Variants in PLXNA1 observed in about 807,000 individuals in gnomAD.
The protein encoded by PLXNA1 is plexin-A1.
In PLXNA1, 77 loss-of-function variants were observed where a neutral mutation model predicts 191.7. The ratio of observed to expected loss-of-function variants is 0.40; its 90% CI spans 0.33 to 0.49. The LOEUF (loss-of-function observed/expected upper bound fraction) is 0.49. Ranked by LOEUF, PLXNA1 falls within the 20% of genes least tolerant of loss-of-function variation. PLXNA1 has a pLI of 0.63. For missense variants in PLXNA1, 2,110 were observed against 2,660.2 expected, an observed-to-expected ratio of 0.79 and a Z score of 4.55; for synonymous variants, 1,137 against 1,156.4, an observed-to-expected ratio of 0.98 and a Z score of 0.34.
chr3:127,000,784 A>C (rs2079036424), intron 3 of PLXNA1, among the ~76,000 whole-genome samples: 1 of 152,216 alleles, frequency 6.6e-6, no homozygotes, highest in African/African-American at 2.4e-5. Flanking sequence ...GTGGGTGCAC[A>C]GGGGCCCTGC....
At position 126,989,447 on chromosome 3, in the gene PLXNA1, T is replaced by C; in HGVS notation, c.854T>C (p.Leu285Pro). ...TTCTTCACGTCCAAGATCGTGCGGCTCTGTGTGGACGACCCCAAATTCTAC... is the reference window on the plus strand; with the variant it reads ...TTCTTCACGTCCAAGATCGTGCGGCCCTGTGTGGACGACCCCAAATTCTAC... ...EHFFTSKIVR[L>P]CVDDPKFYSY... Residue 285 changes from leucine to proline, a missense_variant, in exon 2 of 32, where the codon CTC becomes CCC. Transcript: ENST00000393409. 1 of 1,613,612 alleles carries C rather than the reference T, an allele frequency of 6.2e-7. No homozygotes were observed. The highest frequency in any genetic ancestry group is 8.5e-7 in the Non-Finnish European group (1 of 1,180,028).
At chr3:127,019,196 C>T (rs1320951292) in intron 20 of PLXNA1, among the ~76,000 whole-genome samples, 7 of 149,672 alleles carry the variant, frequency 4.7e-5, no homozygotes, top group East Asian at 1.9e-4. Flanking sequence ...CAGTGTAGGA[C>T]CTTAGCCATG....
intron 3 of PLXNA1, among the ~76,000 whole-genome samples, chr3:126,997,176 C>T (rs922603048): frequency 6.6e-6 from 1 of 152,228 alleles, no homozygotes; most frequent in Non-Finnish European, 1.5e-5. Flanking sequence ...GCATCCTGCC[C>T]ACTCTGGATG....
In PLXNA1 at chr3:127,007,967, T is replaced by A; in HGVS notation, c.2112+54T>A. ...TTTTCAGAGGTGGAGCAGAACTGGG[T>A]TGAGACATCCCATCTGGGTGTCGCC... On this transcript the variant is annotated intron_variant, in intron 9 of 31. Transcript: ENST00000393409. The A allele has an allele frequency of 4.9e-6, 6 of 1,223,814 alleles. No homozygotes were observed. The Admixed American group carries it at 5.5e-5, about 11-fold the overall frequency. 75.8% of individuals were successfully genotyped at this position (1,223,814 alleles called of 1,614,324 possible). A position where few individuals can be genotyped will look rare whatever the true frequency, so the allele number is the denominator to read the frequency against.
At chr3:127,013,317 G>A (rs780100680) in intron 10 of PLXNA1, among the ~76,000 whole-genome samples, 5 of 150,342 alleles carry the variant, frequency 3.3e-5, no homozygotes, top group African/African-American at 9.7e-5. Flanking sequence ...AAAGGGAAGC[G>A]GGAGTATCGG....
At chr3:126,983,487 G>A (rs1576664597) in intron 1 of PLXNA1, among the ~76,000 whole-genome samples, 200 bp downstream of exon 1, 1 of 146,196 alleles carries the variant, frequency 6.8e-6, no homozygotes, top group East Asian at 2.0e-4. Context: ...CGGCCCGCGT[G>A]TCCCTGCGGC....
rs769372408 is a variant in PLXNA1 at position 126,997,899 on chromosome 3, G to A, written c.1378-5431G>A. Among the ~76,000 whole-genome samples the A allele has an allele frequency of 5.3e-5, 8 of 152,374 alleles. No individual in the cohort carries two copies. The South Asian group carries it at 1.0e-3, about 20-fold the overall frequency. On this transcript the variant is annotated intron_variant, in intron 3 of 31. Coordinates refer to ENST00000393409, the MANE Select transcript of PLXNA1 (RefSeq NM_032242.4). ...GAGGCAGCAGTGGCTTCCCCATGCC[G>A]TCCTGTGTGTGCTCGGGCTCATGGC...
chr3:126,999,722 C>G (rs2079030834), intron 3 of PLXNA1, among the ~76,000 whole-genome samples: 2 of 152,250 alleles, frequency 1.3e-5, no homozygotes, highest in African/African-American at 4.8e-5. Flanking sequence ...CAGGGCCAGC[C>G]TGGGGCCTGC....
rs371145234 is a variant in PLXNA1, at chr3:127,014,331, G to A, written c.2560G>A (p.Ala854Thr). 4.8e-5 allele frequency: 77 copies of A among 1,596,650 alleles called. No homozygotes were observed. The highest frequency in any genetic ancestry group is 2.2e-4 in the South Asian group (20 of 89,848). The change falls in exon 12 of 32, where the codon GCG becomes ACG. Residue 854 changes from alanine (A) to threonine (T), a missense_variant. Ala to Thr is a moderately conservative substitution (Grantham distance 58). This residue lies in a region of PLXNA1 where 644 missense variants were observed against 714.3 expected (regional missense o/e 0.90). Coordinates refer to ENST00000393409, the MANE Select transcript of PLXNA1 (RefSeq NM_032242.4). ...AADTPASWMH[A>T]RHGSSRCTDP... ...CGACACACCTGCATCGTGGATGCAC[G>A]CGCGTCACGGCAGCAGTCGCTGCAC...
At position 126,989,375 on chromosome 3, in the gene PLXNA1, T is replaced by A; in HGVS notation, c.782T>A (p.Leu261Gln). The change falls in exon 2 of 32, where the codon CTG (leucine) becomes CAG (glutamine). Residue 261 changes from leucine to glutamine, a missense_variant. This residue lies in a region of PLXNA1 where 903 missense variants were observed against 1,015.7 expected (regional missense o/e 0.89). Coordinates refer to ENST00000393409, the MANE Select transcript of PLXNA1 (RefSeq NM_032242.4). ...RSEQFVYYLT[L>Q]QLDTQLTSPD... ...GAGCAGTTTGTCTACTACCTCACGCTGCAGCTAGACACACAGCTGACCTCG... is the reference window on the plus strand; with the variant it reads ...GAGCAGTTTGTCTACTACCTCACGCAGCAGCTAGACACACAGCTGACCTCG... 6.2e-7 allele frequency: 1 copy of A among 1,613,640 alleles called. No individual in the cohort carries two copies. The highest frequency in any genetic ancestry group is 8.5e-7 in the Non-Finnish European group (1 of 1,180,054).
Position 127,036,493 on chromosome 3 carries a change from C to T in PLXNA1, c.*2476C>T, listed in dbSNP as rs112468283. 6.6e-3 allele frequency: 1,012 copies of T among 152,610 alleles called. 8 individuals are homozygous for T. The highest frequency in any genetic ancestry group is 9.4e-3 in the Non-Finnish European group (639 of 68,046). The allele number at this position is 152,610 out of a possible 1,614,324, so 9.5% of individuals were successfully genotyped here. A position where few individuals can be genotyped will look rare whatever the true frequency, so the allele number is the denominator to read the frequency against. ...CACTTTAGCAGTATCTGTTTACATGCGCAAGGATCAAGCCGACTACCTGTG... is the reference window on the plus strand; with the variant it reads ...CACTTTAGCAGTATCTGTTTACATGTGCAAGGATCAAGCCGACTACCTGTG... On this transcript the variant is annotated 3_prime_UTR_variant, in exon 32 of 32. Coordinates refer to ENST00000393409, the MANE Select transcript of PLXNA1 (RefSeq NM_032242.4).
In PLXNA1 at chr3:127,029,990, C is replaced by G; in HGVS notation, c.4987C>G (p.Leu1663Val). The G allele has an allele frequency of 6.2e-7, 1 of 1,613,784 alleles. No homozygotes were observed. Among genetic ancestry groups the G allele is most frequent in the Non-Finnish European group, 8.5e-7 (1 of 1,179,968 alleles). Residue 1663 changes from leucine to valine, a missense_variant, in exon 28 of 32, where the codon CTG becomes GTG. Leu to Val is a conservative substitution (Grantham distance 32). This residue lies in a region of PLXNA1 where 559 missense variants were observed against 911.5 expected (regional missense o/e 0.61). Coordinates refer to ENST00000393409, the MANE Select transcript of PLXNA1 (RefSeq NM_032242.4). ...LWHLVKNHDH[L>V]DQREGDRGSK... Reference sequence around the variant, plus strand: ...GCACCTGGTGAAGAACCACGACCACCTGGACCAGCGTGAGGGTGACCGCGG... The same window carrying G: ...GCACCTGGTGAAGAACCACGACCACGTGGACCAGCGTGAGGGTGACCGCGG...
intron 1 of PLXNA1, among the ~76,000 whole-genome samples, chr3:126,983,749 C>T (rs1458556231): frequency 1.3e-5 from 2 of 151,894 alleles, no homozygotes; most frequent in Non-Finnish European, 2.9e-5. Context: ...AGGCCCGTCC[C>T]GGCCGCTGGA....
At chr3:127,024,519 T>TGA (rs911301635) in intron 23 of PLXNA1, among the ~76,000 whole-genome samples, 1 of 151,882 alleles carries the variant, frequency 6.6e-6, no homozygotes, top group African/African-American at 2.4e-5. Flanking sequence ...GAGGCAGGGG[T>TGA]GACCATTTGG....
intron 2 of PLXNA1, among the ~76,000 whole-genome samples, chr3:126,990,803 G>C (rs1349552954): frequency 6.6e-6 from 1 of 152,212 alleles, no homozygotes; most frequent in Non-Finnish European, 1.5e-5. Context: ...CAAGGAACGT[G>C]TTTTCTCTGC....
chr3:127,030,674 T>C (rs750413100), intron 29 of PLXNA1, among the ~76,000 whole-genome samples: 15 of 152,208 alleles, frequency 9.9e-5, no homozygotes, highest in Non-Finnish European at 2.1e-4. Context: ...TGAGTGGCTC[T>C]GGGTGTGCAC....
At chr3:126,993,807 C>T (rs1328517608) in intron 3 of PLXNA1, among the ~76,000 whole-genome samples, 2 of 152,212 alleles carry the variant, frequency 1.3e-5, no homozygotes, top group East Asian at 1.9e-4. Context: ...GATGCAGACA[C>T]GGTCATGTTG....
chr3:127,022,469 G>A, intron 22 of PLXNA1, 128 bp downstream of exon 22: 1 of 1,190,876 alleles, frequency 8.4e-7, no homozygotes, highest in East Asian at 2.5e-5. Flanking sequence ...GGACTCACCT[G>A]GCCTCTGAGG....
At position 127,014,512 on chromosome 3, in the gene PLXNA1, C is replaced by T. The variant is rs770145599; in HGVS notation, c.2639C>T (p.Thr880Met). Residue 880 changes from threonine to methionine, a missense_variant, in exon 13 of 32, where the codon ACG becomes ATG. Transcript: ENST00000393409. ...GAGACGGGCCCGAGGCAGGGCGGCA[C>T]GCGGCTCACTATCACAGGCGAGAAC... ...SPETGPRQGG[T>M]RLTITGENLG... 6.2e-6 allele frequency: 10 copies of T among 1,607,350 alleles called. No homozygotes were observed. Among genetic ancestry groups the T allele is most frequent in the African/African-American group, 2.7e-5 (2 of 74,916 alleles).
Sources: allele counts gnomAD v4.1 joint callset (sites outside exome capture counted in the v4.1 genomes callset), GRCh38; gene constraint gnomAD v4.1.1; regional missense constraint gnomAD v4.1.1; transcripts MANE v1.5; gene names NCBI Gene and HGNC (gene_info 2026-07-23, HGNC 2026-07-21).